The following ROBO2 variants were observed in gnomAD, a reference collection of about 807,000 sequenced individuals.
ROBO2 encodes the protein roundabout homolog 2.
A neutral mutation model predicts 160.8 loss-of-function variants in ROBO2; 53 were observed. The ratio of observed to expected loss-of-function variants is 0.33; its 90% CI spans 0.26 to 0.41. ROBO2 has a LOEUF of 0.41. Among genes scored for constraint, ROBO2 ranks in the 10% least tolerant of loss-of-function variants. The pLI is 1.00. For synonymous variants in ROBO2, 664 were observed against 611.7 expected, an observed-to-expected ratio of 1.09 and a Z score of -1.26; for missense variants, 1,577 against 1,722.4, an observed-to-expected ratio of 0.92 and a Z score of 1.49.
chr3:77,348,373 T>G (rs559343372), intron 2 of ROBO2, among the ~76,000 whole-genome samples: 2 of 152,072 alleles, frequency 1.3e-5, no homozygotes, highest in Non-Finnish European at 2.9e-5. Flanking sequence ...CTGTAAACTT[T>G]CATGGCGCTG....
rs149759121 is a variant in ROBO2, at chr3:76,108,189, T to TC, written c.109+170589dup. 7.2e-3 allele frequency among the ~76,000 whole-genome samples: 1,099 copies of TC among 152,212 alleles called. 71 individuals are homozygous for TC. In the East Asian group the frequency reaches 0.16, roughly 22 times the overall value. ...TTCGGAACTGCGATGCTAATCATCT[T>TC]CCTGCGTATGAGTTTAGGATCTGAT... On this transcript the variant is annotated intron_variant, in intron 2 of 26. Coordinates refer to the ROBO2 transcript ENST00000487694.
intron 2 of ROBO2, among the ~76,000 whole-genome samples, chr3:76,939,055 CA>C (rs2149099225): frequency 6.6e-6 from 1 of 150,478 alleles, no homozygotes; most frequent in South Asian, 2.1e-4. Context: ...AGAACATATT[CA>C]GCCAACAGAG....
At chr3:77,218,399 G>T (rs1459017157) in intron 2 of ROBO2, among the ~76,000 whole-genome samples, 68 of 148,026 alleles carry the variant, frequency 4.6e-4, no homozygotes, top group Non-Finnish European at 7.3e-4. Context: ...TTTTGAAATG[G>T]AGTCTCACTC....
At chr3:76,087,266 C>G (rs1196029504) in intron 2 of ROBO2, among the ~76,000 whole-genome samples, 1 of 151,616 alleles carries the variant, frequency 6.6e-6, no homozygotes, top group Non-Finnish European at 1.5e-5. Context: ...TAAAAAGATG[C>G]CAGATTTTTA....
At chr3:76,947,358 T>C (rs1339535434) in intron 2 of ROBO2, among the ~76,000 whole-genome samples, 1 of 152,202 alleles carries the variant, frequency 6.6e-6, no homozygotes, top group African/African-American at 2.4e-5. Context: ...AATAGTCTTG[T>C]TGGAACAAAG....
chr3:76,403,235 C>A (rs540840654), intron 2 of ROBO2, among the ~76,000 whole-genome samples: 1 of 151,532 alleles, frequency 6.6e-6, no homozygotes, highest in Non-Finnish European at 1.5e-5. Flanking sequence ...ATCTCAAGAG[C>A]AGATCATTCA....
intron 2 of ROBO2, among the ~76,000 whole-genome samples, chr3:76,305,076 T>C (rs944593041): frequency 6.6e-6 from 1 of 151,988 alleles, no homozygotes; most frequent in African/African-American, 2.4e-5. Context: ...TGGTAATAAC[T>C]GTTCTGTGGT....
chr3:76,917,519 T>C (rs1460075291), intron 2 of ROBO2, among the ~76,000 whole-genome samples: 1 of 152,206 alleles, frequency 6.6e-6, no homozygotes, highest in Non-Finnish European at 1.5e-5. Context: ...AACATTTGCA[T>C]ATTTCCTTTT....
chr3:76,820,948 A>G (rs1220613871), intron 2 of ROBO2, among the ~76,000 whole-genome samples: 1 of 151,978 alleles, frequency 6.6e-6, no homozygotes, highest in Non-Finnish European at 1.5e-5. Context: ...GAAAATATAT[A>G]AAGAGTAAAT....
At chr3:76,343,915 A>G (rs2074376591) in intron 2 of ROBO2, among the ~76,000 whole-genome samples, 1 of 152,066 alleles carries the variant, frequency 6.6e-6, no homozygotes, top group Admixed American at 6.6e-5. Context: ...TTTGATCTTG[A>G]TGTGTCCAAA....
chr3:76,051,619 G>T (rs527668161), intron 2 of ROBO2, among the ~76,000 whole-genome samples: 1 of 152,014 alleles, frequency 6.6e-6, no homozygotes, highest in East Asian at 1.9e-4. Context: ...ATTGTGTGGG[G>T]CTTTACAAAT....
At chr3:76,026,837 C>A (rs750760299) in intron 2 of ROBO2, among the ~76,000 whole-genome samples, 2 of 151,854 alleles carry the variant, frequency 1.3e-5, no homozygotes, top group African/African-American at 4.8e-5. Context: ...TAAGGGGAGA[C>A]TTTATATAGA....
intron 2 of ROBO2, among the ~76,000 whole-genome samples, chr3:76,811,073 T>G (rs183090150): frequency 2.4e-4 from 37 of 152,294 alleles, no homozygotes; most frequent in African/African-American, 8.7e-4. Context: ...GCATGACTAA[T>G]AAGCAGACAT....
chr3:76,142,947 A>AAT (rs1228096315), intron 2 of ROBO2, among the ~76,000 whole-genome samples: 2 of 151,894 alleles, frequency 1.3e-5, no homozygotes, highest in African/African-American at 4.8e-5. Flanking sequence ...TACCCACAAA[A>AAT]ATAAAAATAA....
intron 2 of ROBO2, among the ~76,000 whole-genome samples, chr3:76,832,682 C>T (rs1479076690): frequency 2.0e-5 from 3 of 152,044 alleles, no homozygotes; most frequent in Non-Finnish European, 4.4e-5. Context: ...TAAGCAAGTA[C>T]AAACGGTTTC....
intron 2 of ROBO2, among the ~76,000 whole-genome samples, chr3:76,131,746 A>G (rs928409465): frequency 6.6e-5 from 10 of 152,142 alleles, no homozygotes; most frequent in Non-Finnish European, 1.3e-4. Flanking sequence ...GTTTTGATAT[A>G]AAAACAAGTG....
At chr3:77,624,584 C>A (rs945047773) in intron 23 of ROBO2, among the ~76,000 whole-genome samples, 1 of 152,128 alleles carries the variant, frequency 6.6e-6, no homozygotes, top group African/African-American at 2.4e-5. Context: ...ACACTTAATG[C>A]TAGTTTAATG....
intron 2 of ROBO2, among the ~76,000 whole-genome samples, chr3:76,957,767 G>T (rs1460038249): frequency 6.7e-6 from 1 of 149,980 alleles, no homozygotes; most frequent in East Asian, 1.9e-4. Context: ...GGAGGCAGAG[G>T]TTGCAGTGAG....
intron 2 of ROBO2, among the ~76,000 whole-genome samples, chr3:76,167,973 G>C (rs2072900851): frequency 6.6e-6 from 1 of 152,174 alleles, no homozygotes; most frequent in Non-Finnish European, 1.5e-5. Flanking sequence ...GCTGGTAGTG[G>C]CTGTGGGCCC....
Sources: allele counts gnomAD v4.1 joint callset (sites outside exome capture counted in the v4.1 genomes callset), GRCh38; gene constraint gnomAD v4.1.1; transcripts MANE v1.5; gene names NCBI Gene and HGNC (gene_info 2026-07-23, HGNC 2026-07-21).